FGF14: variants seen among roughly 807,000 people sequenced by gnomAD.
FGF14 encodes fibroblast growth factor 14, also known as fibroblast growth factor homologous factor 4.
In FGF14, 5 loss-of-function variants were observed where a neutral mutation model predicts 25.5. That is an observed-to-expected ratio of 0.20 (90% confidence interval 0.10 to 0.41). The LOEUF is 0.41. Among genes scored for constraint, FGF14 ranks in the 10% least tolerant of loss-of-function variants. FGF14 has a pLI of 1.00. For missense variants in FGF14, 222 were observed against 320.1 expected, an observed-to-expected ratio of 0.69 and a Z score of 2.34; for synonymous variants, 138 against 118.3, an observed-to-expected ratio of 1.17 and a Z score of -1.08.
chr13:102,061,319 G>A (rs2042678755), intron 1 of FGF14, among the ~76,000 whole-genome samples: 1 of 152,196 alleles, frequency 6.6e-6, no homozygotes, highest in Admixed American at 6.5e-5. Context: ...CTGGGGCTTT[G>A]GGAGCTGTAA....
At chr13:102,369,372 C>A (rs1426608277) in intron 1 of FGF14, among the ~76,000 whole-genome samples, 1 of 152,120 alleles carries the variant, frequency 6.6e-6, no homozygotes, top group Non-Finnish European at 1.5e-5. Flanking sequence ...TCTGTGGTAG[C>A]CAAAGATATG....
chr13:101,954,369 T>C (rs2036375864), intron 1 of FGF14, among the ~76,000 whole-genome samples: 1 of 152,156 alleles, frequency 6.6e-6, no homozygotes, highest in African/African-American at 2.4e-5. Context: ...GCTCAAATAA[T>C]GTCCCTGGTC....
At chr13:101,820,580 C>A (rs2042064523) in intron 3 of FGF14, among the ~76,000 whole-genome samples, 1 of 100,010 alleles carries the variant, frequency 1.0e-5, no homozygotes, top group South Asian at 4.6e-4. Flanking sequence ...TATCAAAATA[C>A]AATTACATAT....
chr13:101,796,424 G>T (rs571459479), intron 3 of FGF14, among the ~76,000 whole-genome samples: 3 of 151,960 alleles, frequency 2.0e-5, no homozygotes, highest in South Asian at 4.2e-4. Flanking sequence ...GCACTGGGGG[G>T]TCCTTATGCC....
intron 3 of FGF14, among the ~76,000 whole-genome samples, chr13:101,862,149 G>GAATC (rs2044452367): frequency 6.6e-6 from 1 of 152,102 alleles, no homozygotes; most frequent in Non-Finnish European, 1.5e-5. Context: ...TTAGAATCAG[G>GAATC]AGTCAGGTGG....
chr13:101,973,356 A>G (rs1159125965), intron 1 of FGF14, among the ~76,000 whole-genome samples: 1 of 152,200 alleles, frequency 6.6e-6, no homozygotes, highest in Non-Finnish European at 1.5e-5. Context: ...TTTATGAAAT[A>G]ATGCAGGTTG....
intron 1 of FGF14, among the ~76,000 whole-genome samples, chr13:102,106,109 A>G (rs938562142): frequency 6.6e-6 from 1 of 152,220 alleles, no homozygotes; most frequent in Non-Finnish European, 1.5e-5. Context: ...TAGAAAAAAT[A>G]TTATTCCCAG....
chr13:101,736,336 C>T (rs539476185), intron 3 of FGF14, among the ~76,000 whole-genome samples: 1 of 152,166 alleles, frequency 6.6e-6, no homozygotes, highest in Admixed American at 6.5e-5. Flanking sequence ...GATCAAGGAA[C>T]TTGTGCCTGT....
intron 1 of FGF14, among the ~76,000 whole-genome samples, chr13:101,975,155 C>T (rs1316255897): frequency 6.6e-6 from 1 of 152,146 alleles, no homozygotes; most frequent in Non-Finnish European, 1.5e-5. Context: ...GAACCCTCAA[C>T]TACAGACAGA....
intron 1 of FGF14, among the ~76,000 whole-genome samples, chr13:102,041,927 A>G (rs913452713): frequency 1.3e-5 from 2 of 152,260 alleles, no homozygotes; most frequent in African/African-American, 4.8e-5. Flanking sequence ...AAGTCTCCTA[A>G]GTTCCATTGC....
chr13:102,035,620 G>A (rs1159103519), intron 1 of FGF14, among the ~76,000 whole-genome samples: 1 of 152,088 alleles, frequency 6.6e-6, no homozygotes, highest in Non-Finnish European at 1.5e-5. Flanking sequence ...TTTCACTGCT[G>A]GAGTTATTAT....
At chr13:102,167,201 G>A (rs1047887188) in intron 1 of FGF14, among the ~76,000 whole-genome samples, 1 of 151,230 alleles carries the variant, frequency 6.6e-6, no homozygotes, top group Non-Finnish European at 1.5e-5. Context: ...TGCTGGACAT[G>A]GTGGCATGCC....
At chr13:102,264,348 C>T (rs1028585285) in intron 1 of FGF14, among the ~76,000 whole-genome samples, 1 of 152,156 alleles carries the variant, frequency 6.6e-6, no homozygotes, top group South Asian at 2.1e-4. Context: ...ATAAAATTAG[C>T]ATCTACTATT....
rs545090775 is a variant in FGF14, at chr13:101,900,739, G to C, written c.193+15714C>G. On this transcript the variant is annotated intron_variant, in intron 1 of 4. Coordinates refer to ENST00000376143, the MANE Select transcript of FGF14 (RefSeq NM_004115.4). ...CCGGGTAGTGCTCTATTCTTGATCC[G>C]CATGGTCTTCACACAAGTGTATTTA... Among the ~76,000 whole-genome samples, 20 of 152,164 alleles carry C rather than the reference G, an allele frequency of 1.3e-4. No homozygotes were observed. In the South Asian group the frequency reaches 2.3e-3, roughly 17 times the overall value.
At chr13:102,301,583 C>T (rs1264657738) in intron 1 of FGF14, among the ~76,000 whole-genome samples, 1 of 152,096 alleles carries the variant, frequency 6.6e-6, no homozygotes, top group East Asian at 1.9e-4. Context: ...TGTCCTCTCC[C>T]TCTTGCCCTC....
intron 1 of FGF14, among the ~76,000 whole-genome samples, chr13:102,320,657 T>C (rs2056209965): frequency 6.6e-6 from 1 of 152,200 alleles, no homozygotes; most frequent in Admixed American, 6.6e-5. Flanking sequence ...TAGGAGTTTG[T>C]GCTCTTTGAA....
intron 1 of FGF14, among the ~76,000 whole-genome samples, chr13:102,162,749 G>T (rs1464003423): frequency 6.6e-6 from 1 of 152,150 alleles, no homozygotes; most frequent in Non-Finnish European, 1.5e-5. Context: ...GTTTCTCTGG[G>T]CCTCTCCAGT....
intron 1 of FGF14, among the ~76,000 whole-genome samples, chr13:102,235,187 A>T (rs534169250): frequency 6.6e-6 from 1 of 152,358 alleles, no homozygotes; most frequent in African/African-American, 2.4e-5. Context: ...TTTGGAAGCT[A>T]TATTTTGGGA....
chr13:102,082,433 A>G (rs1004483636), intron 1 of FGF14, among the ~76,000 whole-genome samples: 1 of 152,206 alleles, frequency 6.6e-6, no homozygotes, highest in Admixed American at 6.5e-5. Context: ...CCCAAAGACT[A>G]GTTCTCATTA....
Sources: gnomAD v4.1 joint callset for allele counts (sites outside exome capture counted in the v4.1 genomes callset) on GRCh38, gnomAD v4.1.1 for gene constraint, MANE v1.5 for transcripts, NCBI Gene and HGNC (gene_info 2026-07-23, HGNC 2026-07-21) for gene names.